FBN2: variants seen among roughly 807,000 people sequenced by gnomAD.
FBN2 encodes the protein fibrillin-2.
In FBN2, 105 loss-of-function variants were observed where a neutral mutation model predicts 355.6. That is an observed-to-expected ratio of 0.30 (90% CI 0.25 to 0.35). The LOEUF (loss-of-function observed/expected upper bound fraction) is 0.35. Among genes scored for constraint, FBN2 ranks in the 10% least tolerant of loss-of-function variants. The pLI is 1.00. For synonymous variants in FBN2, 1,350 were observed against 1,301.2 expected (o/e 1.04, Z -0.81); for missense variants, 3,280 against 3,758.7 (o/e 0.87, Z 3.33).
At chr5:128,366,195 A>C (rs1189715746) in intron 17 of FBN2, among the ~76,000 whole-genome samples, 182 bp downstream of exon 17, 1 of 151,996 alleles carries the variant, frequency 6.6e-6, no homozygotes, top group Non-Finnish European at 1.5e-5. Flanking sequence ...CCAAGATGAA[A>C]ATGTGTATCT....
At chr5:128,528,358 G>A (rs1213738539) in intron 3 of FBN2, among the ~76,000 whole-genome samples, 3 of 152,118 alleles carry the variant, frequency 2.0e-5, no homozygotes, top group Admixed American at 1.3e-4. Flanking sequence ...CTTGAATTCC[G>A]ATGGGGAGCT....
intron 19 of FBN2, 74 bp downstream of exon 19, chr5:128,361,649 C>T: frequency 6.7e-7 from 1 of 1,502,462 alleles, no homozygotes; most frequent in East Asian, 2.3e-5. Context: ...TACATTGCTT[C>T]ATCACTGTAA....
intron 42 of FBN2, among the ~76,000 whole-genome samples, chr5:128,306,393 G>T (rs1749879788): frequency 6.6e-6 from 1 of 152,202 alleles, no homozygotes; most frequent in African/African-American, 2.4e-5. Flanking sequence ...GCTGAGGAGG[G>T]TGGATCACCT....
Position 128,368,445 on chromosome 5 carries a change from C to T in FBN2, c.2248+737G>A, listed in dbSNP as rs879506333. Among the ~76,000 whole-genome samples the T allele has an allele frequency of 1.1e-4, 13 of 118,956 alleles. No homozygotes were observed. In the East Asian group the frequency reaches 1.5e-3, roughly 14 times the overall value. The allele number at this position is 118,956 out of a possible 152,430, so 78.0% of individuals were successfully genotyped here. A position where few individuals can be genotyped will look rare whatever the true frequency, so the allele number is the denominator to read the frequency against. Reference sequence around the variant, plus strand: ...GTATATATATATATACACATATATACATATATATACACATATATATACATA... The same window carrying T: ...GTATATATATATATACACATATATATATATATATACACATATATATACATA... On this transcript the variant is annotated intron_variant, in intron 16 of 64. Transcript: ENST00000262464.
intron 5 of FBN2, among the ~76,000 whole-genome samples, chr5:128,484,309 T>TCTC (rs1755275629): frequency 1.3e-5 from 2 of 152,192 alleles, no homozygotes; most frequent in African/African-American, 4.8e-5. Context: ...AAAAAGGGAA[T>TCTC]TAGTTAAAGC....
chr5:128,456,367 G>C (rs1754395055), intron 6 of FBN2, among the ~76,000 whole-genome samples: 1 of 152,212 alleles, frequency 6.6e-6, no homozygotes, highest in African/African-American at 2.4e-5. Flanking sequence ...TCTCCTCCTG[G>C]TAGTTCTGAG....
At chr5:128,380,313 A>G (rs1752197864) in intron 11 of FBN2, among the ~76,000 whole-genome samples, 1 of 152,152 alleles carries the variant, frequency 6.6e-6, no homozygotes, top group African/African-American at 2.4e-5. Context: ...TTTGTGTTAC[A>G]TAATTGAAAT....
intron 5 of FBN2, among the ~76,000 whole-genome samples, chr5:128,504,131 T>C (rs1755890110): frequency 6.6e-6 from 1 of 152,176 alleles, no homozygotes; most frequent in African/African-American, 2.4e-5. Flanking sequence ...AAGTCAAGAA[T>C]TGAGGTTTGG....
intron 55 of FBN2, among the ~76,000 whole-genome samples, chr5:128,283,237 A>G (rs1396598534): frequency 6.6e-6 from 1 of 152,184 alleles, no homozygotes; most frequent in African/African-American, 2.4e-5. Flanking sequence ...ACAATACAAA[A>G]AACTCTCTTA....
chr5:128,395,055 A>G (rs1561435236), intron 9 of FBN2, 67 bp downstream of exon 9: 1 of 1,585,250 alleles, frequency 6.3e-7, no homozygotes, highest in Non-Finnish European at 8.7e-7. Flanking sequence ...CAGAGAGCAA[A>G]ATACAGTACT....
intron 5 of FBN2, among the ~76,000 whole-genome samples, chr5:128,498,892 C>T (rs188757320): frequency 9.2e-5 from 14 of 152,230 alleles, no homozygotes; most frequent in Admixed American, 5.2e-4. Context: ...TTCCTTCAAA[C>T]GAGTAGGATT....
At chr5:128,398,752 CAT>C (rs1453733451) in intron 8 of FBN2, among the ~76,000 whole-genome samples, 5 of 152,166 alleles carry the variant, frequency 3.3e-5, no homozygotes, top group Non-Finnish European at 5.9e-5. Context: ...TGAATTCCCA[CAT>C]GTTGTGGGAG....
rs751263399 is a variant in FBN2, at chr5:128,361,762, G to T, written c.2515C>A (p.Pro839Thr). 9 of 1,614,100 alleles carry T rather than the reference G, an allele frequency of 5.6e-6. No homozygotes were observed. The highest frequency in any genetic ancestry group is 7.6e-6 in the Non-Finnish European group (9 of 1,179,984). The stretch of plus-strand genomic sequence containing the variant: ...GTCTCAGTCCTGAACACATACCCTG[G>T]TGGGCACGTACAGCTGTAACTTCCT... The part of the protein sequence containing the change: ...TPGSYSCTCP[P>T]GYVFRTETET... Residue 839 changes from proline (P) to threonine (T), a missense_variant, in exon 19 of 65, where the codon CCA (proline) becomes ACA (threonine). Coordinates refer to ENST00000262464, the MANE Select transcript of FBN2 (RefSeq NM_001999.4).
chr5:128,471,679 A>G (rs1484991705), intron 5 of FBN2, among the ~76,000 whole-genome samples: 1 of 152,190 alleles, frequency 6.6e-6, no homozygotes, highest in Non-Finnish European at 1.5e-5. Context: ...TTTTTAATGC[A>G]TGAGAGACTG....
chr5:128,388,410 A>G (rs1381537316), intron 11 of FBN2, among the ~76,000 whole-genome samples: 1 of 152,120 alleles, frequency 6.6e-6, no homozygotes, highest in Admixed American at 6.5e-5. Flanking sequence ...TACAGATTTA[A>G]TTGTGTAGTT....
chr5:128,416,142 C>T (rs560498622), intron 7 of FBN2, among the ~76,000 whole-genome samples: 4 of 151,830 alleles, frequency 2.6e-5, no homozygotes, highest in Admixed American at 1.3e-4. Context: ...TCTCCTGCTT[C>T]GGCCTCCCAA....
chr5:128,471,271 T>A (rs1006136589), intron 5 of FBN2, among the ~76,000 whole-genome samples: 1 of 152,038 alleles, frequency 6.6e-6, no homozygotes, highest in South Asian at 2.1e-4. Context: ...ATTTCAATGA[T>A]GAGGTTATAA....
At chr5:128,263,387 TG>T (rs757254955) in intron 63 of FBN2, 37 bp downstream of exon 63, 249 of 1,481,774 alleles carry the variant, frequency 1.7e-4, no homozygotes, top group Admixed American at 6.7e-4. Flanking sequence ...TCAGGAACCA[TG>T]TATTCCTCTA....
chr5:128,524,565 T>C (rs920910564), intron 4 of FBN2, among the ~76,000 whole-genome samples: 1 of 152,180 alleles, frequency 6.6e-6, no homozygotes, highest in Non-Finnish European at 1.5e-5. Flanking sequence ...GCAGTCTAAA[T>C]GTTTTATAAT....
Sources: allele counts gnomAD v4.1 joint callset (sites outside exome capture counted in the v4.1 genomes callset), GRCh38; gene constraint gnomAD v4.1.1; transcripts MANE v1.5; gene names NCBI Gene and HGNC (gene_info 2026-07-23, HGNC 2026-07-21).